PARD3: variants seen among roughly 807,000 people sequenced by gnomAD.
PARD3 encodes par-3 family cell polarity regulator, also known as partitioning defective 3 homolog.
A neutral mutation model predicts 155.4 loss-of-function variants in PARD3; 75 were observed. The ratio of observed to expected loss-of-function variants is 0.48; its 90% CI spans 0.40 to 0.58. The LOEUF is 0.58. Among genes scored for constraint, PARD3 ranks in the 20% least tolerant of loss-of-function variants. The pLI, the probability that PARD3 is intolerant of heterozygous loss-of-function variation, is 0.00. For synonymous variants in PARD3, 576 were observed against 610.5 expected (o/e 0.94, Z 0.83); for missense variants, 1,642 against 1,721.7 (o/e 0.95, Z 0.82).
chr10:34,588,840 T>G (rs1287285605), intron 2 of PARD3, among the ~76,000 whole-genome samples: 1 of 152,190 alleles, frequency 6.6e-6, no homozygotes, highest in Non-Finnish European at 1.5e-5. Flanking sequence ...ATGCATGATC[T>G]CAAGTTCCAC....
At chr10:34,471,265 A>C (rs752627083) in intron 3 of PARD3, among the ~76,000 whole-genome samples, 1 of 152,244 alleles carries the variant, frequency 6.6e-6, no homozygotes, top group Non-Finnish European at 1.5e-5. Flanking sequence ...TGCAATTGCT[A>C]TAACAGTATC....
At chr10:34,635,695 C>A (rs965556374) in intron 2 of PARD3, among the ~76,000 whole-genome samples, 11 of 152,186 alleles carry the variant, frequency 7.2e-5, no homozygotes, top group African/African-American at 2.2e-4. Flanking sequence ...CTTTGCTATT[C>A]ATTCAATCTT....
At chr10:34,198,835 ACT>A (rs1951077711) in intron 22 of PARD3, among the ~76,000 whole-genome samples, 1 of 152,114 alleles carries the variant, frequency 6.6e-6, no homozygotes. Context: ...TGTATTTGGG[ACT>A]GTGTCACGAT....
At chr10:34,371,235 A>G (rs1840571694) in intron 12 of PARD3, among the ~76,000 whole-genome samples, 1 of 151,912 alleles carries the variant, frequency 6.6e-6, no homozygotes, top group Admixed American at 6.6e-5. Flanking sequence ...ACCTACCCCA[A>G]CACATAAATA....
chr10:34,177,716 C>T (rs1293967906), intron 22 of PARD3, among the ~76,000 whole-genome samples: 1 of 152,150 alleles, frequency 6.6e-6, no homozygotes, highest in African/African-American at 2.4e-5. Flanking sequence ...CTTGAAAGGG[C>T]AGGAAGCCCA....
chr10:34,219,855 ACT>A (rs1285881735), intron 22 of PARD3, among the ~76,000 whole-genome samples: 7 of 152,110 alleles, frequency 4.6e-5, no homozygotes, highest in African/African-American at 1.4e-4. Context: ...TGAAAGCAAG[ACT>A]CTACAGAGTT....
intron 19 of PARD3, among the ~76,000 whole-genome samples, chr10:34,325,018 C>CT (rs898091381): frequency 1.4e-4 from 21 of 151,352 alleles, no homozygotes; most frequent in African/African-American, 2.9e-4. Context: ...CTGTCTACAT[C>CT]TTTTTTTTTG....
In PARD3 at chr10:34,710,240, C is replaced by G. The variant is rs541781045; in HGVS notation, c.121-13821G>C. Among the ~76,000 whole-genome samples the G allele has an allele frequency of 5.3e-5, 8 of 152,300 alleles. No individual in the cohort carries two copies. In the South Asian group the frequency reaches 1.5e-3, roughly 28 times the overall value. ...ACAGAGCAATTCACAATGTTGTTCA[C>G]CGACTGTTACATAAGACTTTGTTTC... On this transcript the variant is annotated intron_variant, in intron 1 of 24. Transcript: ENST00000374788.
chr10:34,504,874 A>G (rs1370040806), intron 3 of PARD3, among the ~76,000 whole-genome samples: 4 of 152,246 alleles, frequency 2.6e-5, no homozygotes, highest in Non-Finnish European at 5.9e-5. Flanking sequence ...CGTATTATCA[A>G]GAAGTAAAGG....
At chr10:34,344,353 G>T in intron 15 of PARD3, 1 of 862,202 alleles carries the variant, frequency 1.2e-6, no homozygotes, top group African/African-American at 1.9e-5. Flanking sequence ...TACGATTTCA[G>T]CTCAATGCAA....
At chr10:34,419,323 C>T (rs1214529465) in intron 5 of PARD3, among the ~76,000 whole-genome samples, 1 of 151,962 alleles carries the variant, frequency 6.6e-6, no homozygotes, top group Non-Finnish European at 1.5e-5. Context: ...TCAAGACCAG[C>T]CTGACCAATA....
At chr10:34,517,213 C>T in intron 2 of PARD3, 54 bp from the exon 3 acceptor site, 2 of 1,516,946 alleles carry the variant, frequency 1.3e-6, no homozygotes, top group Non-Finnish European at 1.8e-6. Flanking sequence ...AATTAACTAC[C>T]AAAATTTTGT....
intron 22 of PARD3, among the ~76,000 whole-genome samples, chr10:34,136,857 C>T (rs1947925881): frequency 6.6e-6 from 1 of 152,194 alleles, no homozygotes; most frequent in South Asian, 2.1e-4. Context: ...GACCCAAATA[C>T]TGACTTACAG....
At chr10:34,527,302 C>A (rs1379155329) in intron 2 of PARD3, among the ~76,000 whole-genome samples, 1 of 152,192 alleles carries the variant, frequency 6.6e-6, no homozygotes, top group African/African-American at 2.4e-5. Flanking sequence ...GTTTCCAAGG[C>A]AACCTGCCCT....
chr10:34,401,931 AC>A lies in PARD3; in HGVS notation c.715-15del, dbSNP rs1564672445. 6.2e-7 allele frequency: 1 copy of A among 1,601,114 alleles called. No individual in the cohort carries two copies. The highest frequency in any genetic ancestry group is 2.2e-5 in the East Asian group (1 of 44,788). Reference sequence around the variant, plus strand: ...CCCATCCTCATCCTAGAGGCAGCCAACACAAAGAAAAGTACACTCTGTGTTA... The same window carrying A: ...CCCATCCTCATCCTAGAGGCAGCCAAACAAAGAAAAGTACACTCTGTGTTA... On this transcript the variant is annotated splice_polypyrimidine_tract_variant and intron_variant, in intron 5 of 24. Coordinates refer to ENST00000374788, the MANE Select transcript of PARD3 (RefSeq NM_001184785.2).
At chr10:34,241,770 CA>C (rs765046918) in intron 22 of PARD3, among the ~76,000 whole-genome samples, 2 of 152,102 alleles carry the variant, frequency 1.3e-5, no homozygotes, top group Non-Finnish European at 2.9e-5. Context: ...GTCTCAACAC[CA>C]ACGCCAGAAG....
chr10:34,319,701 G>A (rs1958259857), intron 19 of PARD3, among the ~76,000 whole-genome samples: 1 of 152,190 alleles, frequency 6.6e-6, no homozygotes, highest in Admixed American at 6.5e-5. Flanking sequence ...CTTTTCAAAT[G>A]AGAGCTCCCC....
intron 2 of PARD3, among the ~76,000 whole-genome samples, chr10:34,650,185 T>C (rs1240265628): frequency 6.6e-6 from 1 of 152,200 alleles, no homozygotes. Context: ...TCAAAGATTG[T>C]CATGATCAAG....
At chr10:34,398,753 T>C (rs1159029890) in intron 7 of PARD3, among the ~76,000 whole-genome samples, 1 of 152,086 alleles carries the variant, frequency 6.6e-6, no homozygotes, top group African/African-American at 2.4e-5. Context: ...ACATTTGAAG[T>C]TTTTAAGGAT....
Sources: allele counts gnomAD v4.1 joint callset (sites outside exome capture counted in the v4.1 genomes callset), GRCh38; gene constraint gnomAD v4.1.1; transcripts MANE v1.5; gene names NCBI Gene and HGNC (gene_info 2026-07-23, HGNC 2026-07-21).